CPNE4: variants seen among roughly 807,000 people sequenced by gnomAD.
The protein encoded by CPNE4 is copine 4.
CPNE4 carries 25 observed loss-of-function variants against 67.9 expected under a neutral mutation model. That is an observed-to-expected ratio of 0.37 (90% CI 0.27 to 0.51). The LOEUF is 0.51. Among genes scored for constraint, CPNE4 ranks in the 20% least tolerant of loss-of-function variants. CPNE4 has a pLI of 0.93. For synonymous variants in CPNE4, 242 were observed against 244.9 expected (o/e 0.99, Z 0.11); for missense variants, 464 against 690.8 (o/e 0.67, Z 3.68).
intron 2 of CPNE4, among the ~76,000 whole-genome samples, chr3:131,821,191 G>A (rs912485787): frequency 3.3e-5 from 5 of 152,188 alleles, no homozygotes; most frequent in African/African-American, 1.2e-4. Flanking sequence ...TTGATAAAGA[G>A]TAATGTATTT....
In CPNE4 at chr3:131,930,407, C is replaced by T. The variant is rs374693800; in HGVS notation, c.-1-24963G>A. 4.9e-4 allele frequency among the ~76,000 whole-genome samples: 74 copies of T among 151,938 alleles called. 1 individual carries two copies. The South Asian group carries it at 0.013, about 26-fold the overall frequency. On this transcript the variant is annotated intron_variant, in intron 1 of 15. Transcript: ENST00000429747. ...GGGGCAGGGGAACGTACACCCTGAC[C>T]TCATTCTTTCTTCCAATCTTCTAGT...
chr3:131,540,599 C>T (rs934901185), intron 15 of CPNE4, among the ~76,000 whole-genome samples: 1 of 152,156 alleles, frequency 6.6e-6, no homozygotes, highest in African/African-American at 2.4e-5. Context: ...TCTGCAATTT[C>T]CTTACACAGT....
At chr3:131,790,626 C>T (rs2083691764) in intron 2 of CPNE4, among the ~76,000 whole-genome samples, 1 of 152,174 alleles carries the variant, frequency 6.6e-6, no homozygotes, top group Non-Finnish European at 1.5e-5. Flanking sequence ...TTCTGAGACT[C>T]AGCTGTGGCA....
chr3:132,007,341 T>C (rs961933479), intron 1 of CPNE4, among the ~76,000 whole-genome samples: 6 of 152,214 alleles, frequency 3.9e-5, no homozygotes, highest in Non-Finnish European at 8.8e-5. Flanking sequence ...TGTTTTCTCC[T>C]ATTCTCCAAG....
intron 6 of CPNE4, among the ~76,000 whole-genome samples, chr3:131,671,224 A>G (rs897588135): frequency 1.3e-5 from 2 of 152,158 alleles, no homozygotes; most frequent in African/African-American, 4.8e-5. Flanking sequence ...TGAAGTGGAG[A>G]AATAATGTTT....
chr3:131,728,433 A>G (rs1217937171), intron 2 of CPNE4, among the ~76,000 whole-genome samples: 4 of 152,190 alleles, frequency 2.6e-5, no homozygotes, highest in Non-Finnish European at 5.9e-5. Context: ...ATAGTTATGC[A>G]AATTTGAAGC....
At chr3:131,755,125 T>C (rs968658382) in intron 2 of CPNE4, among the ~76,000 whole-genome samples, 10 of 152,124 alleles carry the variant, frequency 6.6e-5, no homozygotes, top group Admixed American at 6.6e-5. Flanking sequence ...TTTCCTTAAA[T>C]TTATATGCAT....
chr3:131,677,715 C>G (rs1442613307), intron 6 of CPNE4, among the ~76,000 whole-genome samples: 1 of 152,012 alleles, frequency 6.6e-6, no homozygotes, highest in Non-Finnish European at 1.5e-5. Context: ...TTGTTTTTGT[C>G]AGGTTTGTTG....
chr3:131,651,703 T>C (rs994093515), intron 7 of CPNE4, among the ~76,000 whole-genome samples: 2 of 152,200 alleles, frequency 1.3e-5, no homozygotes, highest in African/African-American at 4.8e-5. Flanking sequence ...TTTTGTTGTA[T>C]GGACAGAGGG....
chr3:131,976,183 G>A (rs567333470), intron 1 of CPNE4, among the ~76,000 whole-genome samples: 39 of 151,148 alleles, frequency 2.6e-4, no homozygotes, highest in Non-Finnish European at 4.9e-4. Context: ...GGTCACAGTG[G>A]TATTAATGAT....
rs151147223 is a variant in CPNE4, at chr3:131,930,674, T to A, written c.-1-25230A>T. On this transcript the variant is annotated intron_variant, in intron 1 of 15. Transcript: ENST00000429747. ...CACATAGTAATTGCTCAGTGAATAG[T>A]AACTCCCTTCCTTGTTTCAGTTGGA... Among the ~76,000 whole-genome samples, 6 of 152,252 alleles carry A rather than the reference T, an allele frequency of 3.9e-5. No individual in the cohort carries two copies. The East Asian group carries it at 1.2e-3, about 30-fold the overall frequency.
intron 2 of CPNE4, among the ~76,000 whole-genome samples, chr3:131,775,011 A>G (rs919215105): frequency 1.8e-4 from 27 of 152,168 alleles, no homozygotes; most frequent in Admixed American, 1.8e-3. Context: ...AAAACCCAAG[A>G]GCAGTTCAGA....
intron 2 of CPNE4, among the ~76,000 whole-genome samples, chr3:131,751,291 A>G (rs2082617503): frequency 6.6e-6 from 1 of 152,026 alleles, no homozygotes; most frequent in African/African-American, 2.4e-5. Context: ...CGAATATTCC[A>G]TCTTATAGTT....
At chr3:131,960,114 A>AGG (rs2072121722) in intron 1 of CPNE4, among the ~76,000 whole-genome samples, 1 of 97,372 alleles carries the variant, frequency 1.0e-5, no homozygotes, top group African/African-American at 3.9e-5. Context: ...GAAAGCAGAG[A>AGG]AAGAGTGGAG....
chr3:131,686,367 C>A (rs1208772846), intron 5 of CPNE4, among the ~76,000 whole-genome samples: 2 of 152,238 alleles, frequency 1.3e-5, no homozygotes, highest in African/African-American at 4.8e-5. Flanking sequence ...GTAATGACTA[C>A]AATGTCTGGA....
intron 7 of CPNE4, among the ~76,000 whole-genome samples, chr3:131,614,313 C>T: frequency 6.6e-6 from 1 of 152,264 alleles, no homozygotes; most frequent in Admixed American, 6.5e-5. Context: ...CTCAAGAAAC[C>T]TGTCAAACAG....
At chr3:131,876,489 A>C (rs2087459676) in intron 2 of CPNE4, among the ~76,000 whole-genome samples, 1 of 150,034 alleles carries the variant, frequency 6.7e-6, no homozygotes. Context: ...AAAAATAGAA[A>C]AGATTAGCCA....
chr3:131,663,559 T>C (rs752698146), intron 7 of CPNE4, among the ~76,000 whole-genome samples: 1 of 152,052 alleles, frequency 6.6e-6, no homozygotes, highest in Admixed American at 6.6e-5. Context: ...GTTTGGCAAA[T>C]GGCCTGTACC....
intron 2 of CPNE4, among the ~76,000 whole-genome samples, chr3:131,784,589 T>A (rs961474042): frequency 7.2e-5 from 11 of 152,144 alleles, no homozygotes; most frequent in African/African-American, 2.2e-4. Context: ...TGAGCATCTC[T>A]GCCTTGGGAG....
Sources: gnomAD v4.1 joint callset for allele counts (sites outside exome capture counted in the v4.1 genomes callset) on GRCh38, gnomAD v4.1.1 for gene constraint, MANE v1.5 for transcripts, NCBI Gene and HGNC (gene_info 2026-07-23, HGNC 2026-07-21) for gene names.